The following CLMN variants were observed in gnomAD, a reference collection of about 807,000 sequenced individuals.
CLMN encodes calmin (calponin-like, transmembrane).
In CLMN, 57 loss-of-function variants were observed where a neutral mutation model predicts 92.7. The observed-to-expected ratio is 0.61, with a 90% CI of 0.50 to 0.77. CLMN has a LOEUF of 0.77. Ranked by LOEUF, CLMN falls within the 30% of genes least tolerant of loss-of-function variation. The pLI, the probability that CLMN is intolerant of heterozygous loss-of-function variation, is 0.00. For synonymous variants in CLMN, 466 were observed against 470.6 expected, an observed-to-expected ratio of 0.99 and a Z score of 0.13; for missense variants, 1,158 against 1,237.5, an observed-to-expected ratio of 0.94 and a Z score of 0.96.
intron 1 of CLMN, among the ~76,000 whole-genome samples, chr14:95,241,405 C>G (rs1043415690): frequency 1.3e-5 from 2 of 152,078 alleles, no homozygotes; most frequent in Non-Finnish European, 2.9e-5. Context: ...GCAGCTGGGA[C>G]AGGCAGAACT....
chr14:95,272,498 G>C (rs1201998484), intron 1 of CLMN, among the ~76,000 whole-genome samples: 2 of 152,196 alleles, frequency 1.3e-5, no homozygotes, highest in African/African-American at 4.8e-5. Context: ...CCTATGCCAG[G>C]GGCCCGGAAT....
chr14:95,252,827 C>T lies in CLMN; in HGVS notation c.83-22694G>A, dbSNP rs116147682. On this transcript the variant is annotated intron_variant, in intron 1 of 12. Coordinates refer to ENST00000298912, the MANE Select transcript of CLMN (RefSeq NM_024734.4). ...CAGTGAGTGCTGTCACGTGTGATGC[C>T]GGGAGGGTAAAGCATCCTGCCCCCA... Among the ~76,000 whole-genome samples, 1,285 of 152,272 alleles carry T rather than the reference C, an allele frequency of 8.4e-3. 22 individuals are homozygous for T. The highest frequency in any genetic ancestry group is 0.029 in the African/African-American group (1,213 of 41,540).
chr14:95,240,163 A>G (rs559374086), intron 1 of CLMN, among the ~76,000 whole-genome samples: 3 of 152,350 alleles, frequency 2.0e-5, no homozygotes, highest in Non-Finnish European at 4.4e-5. Context: ...TAACAGTGCA[A>G]TTCTCAGGAT....
intron 1 of CLMN, among the ~76,000 whole-genome samples, chr14:95,278,726 G>A (rs1900029355): frequency 6.6e-6 from 1 of 152,172 alleles, no homozygotes; most frequent in Non-Finnish European, 1.5e-5. Flanking sequence ...GCAGTAATGG[G>A]AAGATACTCT....
intron 1 of CLMN, among the ~76,000 whole-genome samples, chr14:95,302,565 G>A (rs984969763): frequency 2.6e-5 from 4 of 151,978 alleles, no homozygotes; most frequent in African/African-American, 4.8e-5. Context: ...ATTTTAAAAC[G>A]ATTAATGGTA....
In CLMN at chr14:95,209,440, C is replaced by T; in HGVS notation, c.840G>A (p.Met280Ile). Residue 280 changes from methionine to isoleucine, a missense_variant, in exon 8 of 13, where the codon ATG becomes ATA. Transcript: ENST00000298912. ...GTTCTAGAAACTGTGCCACGTAAGT[C>T]ATGATAGACTGCTCGTCTGGTGTGT... ...MVDTPDEQSIMTYVAQFLERF... is the reference protein window; with the variant it reads ...MVDTPDEQSIITYVAQFLERF... 1.2e-6 allele frequency: 2 copies of T among 1,614,160 alleles called. No individual in the cohort carries two copies. Among genetic ancestry groups the T allele is most frequent in the South Asian group, 1.1e-5 (1 of 91,068 alleles).
Position 95,221,746 on chromosome 14 carries a change from C to A in CLMN, c.269G>T (p.Arg90Leu), listed in dbSNP as rs368293776. 1 of 1,614,096 alleles carries A rather than the reference C, an allele frequency of 6.2e-7. No homozygotes were observed. Among genetic ancestry groups the A allele is most frequent in the Non-Finnish European group, 8.5e-7 (1 of 1,180,014 alleles). ...LLHEYKSSSH[R>L]IFRLNNIAKA... ...CGCTATGTTGTTCAACCGAAAAATA[C>A]GATGCGACGAGGATTTGTATTCGTG... The change falls in exon 4 of 13, where the codon CGT becomes CTT. Residue 90 changes from arginine (R) to leucine (L), a missense_variant. Transcript: ENST00000298912.
chr14:95,314,277 C>T (rs1213392244), intron 1 of CLMN, among the ~76,000 whole-genome samples: 3 of 152,270 alleles, frequency 2.0e-5, no homozygotes, highest in African/African-American at 7.2e-5. Flanking sequence ...TCATTTACCA[C>T]GTGTACTTGT....
rs1487889736 is a variant in CLMN, at chr14:95,190,337, C to G, written c.*1227G>C. ...GTCTGCCCCTGGTCGGCTATATGAT[C>G]TTGGTCAAGCTGCTCTGTCTCTCTG... On this transcript the variant is annotated 3_prime_UTR_variant, in exon 13 of 13. Transcript: ENST00000298912. 4.6e-5 allele frequency: 7 copies of G among 152,266 alleles called. No individual in the cohort carries two copies. Among genetic ancestry groups the G allele is most frequent in the Admixed American group, 4.6e-4 (7 of 15,284 alleles). 9.4% of individuals were successfully genotyped at this position (152,266 alleles called of 1,614,324 possible).
chr14:95,204,515 C>A (rs753679205), intron 8 of CLMN, 52 bp from the exon 9 acceptor site: 449 of 1,442,548 alleles, frequency 3.1e-4, no homozygotes, highest in Non-Finnish European at 4.0e-4. Context: ...AGAACAACAA[C>A]AAAAAAAAGC....
Position 95,296,985 on chromosome 14 carries a change from G to A in CLMN, c.82+22726C>T, listed in dbSNP as rs142545070. Among the ~76,000 whole-genome samples, 194 of 152,268 alleles carry A rather than the reference G, an allele frequency of 1.3e-3. 1 individual carries two copies. Among genetic ancestry groups the A allele is most frequent in the African/African-American group, 4.1e-3 (171 of 41,544 alleles). On this transcript the variant is annotated intron_variant, in intron 1 of 12. Transcript: ENST00000298912. ...GAGAACACCTTCTGTTGGAGGTGGA[G>A]GAAGCAAACGAATGCCAGCTAGTGT... is the stretch of plus-strand genomic sequence containing the variant.
In CLMN at chr14:95,202,852, T is replaced by G. The variant is rs1204169741; in HGVS notation, c.2497A>C (p.Met833Leu). ...QQRETKENDPMDSHQSQESPN... is the reference protein window; with the variant it reads ...QQRETKENDPLDSHQSQESPN... ...CGGTTGAGTACCTGATGGCTGTCCA[T>G]GGGGTCATTCTCTTTGGTCTCCCTT... Residue 833 changes from methionine to leucine, a missense_variant, in exon 9 of 13, where the codon ATG becomes CTG. Physicochemically the swap from Met to Leu is conservative, Grantham distance 15 (BLOSUM62 2). Coordinates refer to ENST00000298912, the MANE Select transcript of CLMN (RefSeq NM_024734.4). The G allele has an allele frequency of 2.6e-6, 4 of 1,534,900 alleles. No homozygotes were observed. The highest frequency in any genetic ancestry group is 3.5e-6 in the Non-Finnish European group (4 of 1,144,716).
At chr14:95,258,175 G>A (rs111206825) in intron 1 of CLMN, among the ~76,000 whole-genome samples, 4,322 of 151,918 alleles carry the variant, frequency 0.028, 92 homozygotes, top group African/African-American at 0.049. Context: ...GTATATGTGG[G>A]GTGTGTGTAT....
intron 1 of CLMN, among the ~76,000 whole-genome samples, chr14:95,234,206 G>A (rs1362696491): frequency 6.6e-6 from 1 of 152,178 alleles, no homozygotes; most frequent in Admixed American, 6.5e-5. Flanking sequence ...ATGCTACGGA[G>A]ATTAAATGAT....
chr14:95,311,439 G>A (rs1901534783), intron 1 of CLMN, among the ~76,000 whole-genome samples: 1 of 152,126 alleles, frequency 6.6e-6, no homozygotes, highest in South Asian at 2.1e-4. Context: ...CTGCAGTTCT[G>A]CAGGAGCTGA....
chr14:95,283,749 A>T (rs965700930), intron 1 of CLMN, among the ~76,000 whole-genome samples: 2 of 152,246 alleles, frequency 1.3e-5, no homozygotes, highest in South Asian at 2.1e-4. Flanking sequence ...ATTTCTAAGC[A>T]GCAAAGCATT....
intron 1 of CLMN, among the ~76,000 whole-genome samples, chr14:95,273,200 G>A (rs191344618): frequency 4.6e-5 from 7 of 152,332 alleles, no homozygotes; most frequent in Admixed American, 4.6e-4. Context: ...GACACCAGCA[G>A]GTGAGAAGCC....
At chr14:95,264,017 T>TTTAC (rs1203140086) in intron 1 of CLMN, among the ~76,000 whole-genome samples, 1 of 68,270 alleles carries the variant, frequency 1.5e-5, no homozygotes, top group Non-Finnish European at 3.4e-5. Context: ...ACTTTATTTA[T>TTTAC]TTATTTATTT....
intron 8 of CLMN, among the ~76,000 whole-genome samples, chr14:95,205,516 G>T (rs1449732456): frequency 2.0e-5 from 3 of 152,174 alleles, no homozygotes; most frequent in African/African-American, 7.2e-5. Context: ...ACTGGAAATG[G>T]TAAATATATG....
Sources: gnomAD v4.1 joint callset for allele counts (sites outside exome capture counted in the v4.1 genomes callset) on GRCh38, gnomAD v4.1.1 for gene constraint, MANE v1.5 for transcripts, NCBI Gene and HGNC (gene_info 2026-07-23, HGNC 2026-07-21) for gene names.